AHCY: variants seen among roughly 807,000 people sequenced by gnomAD.
AHCY encodes the protein S-adenosyl-L-homocysteine hydrolase.
In AHCY, 24 loss-of-function variants were observed where a neutral mutation model predicts 45.4. The observed-to-expected ratio is 0.53, with a 90% confidence interval of 0.38 to 0.74. The LOEUF is 0.74. Among genes scored for constraint, AHCY ranks in the 30% least tolerant of loss-of-function variants. AHCY has a pLI of 0.00. For synonymous variants in AHCY, 245 were observed against 235.1 expected, an observed-to-expected ratio of 1.04 and a Z score of -0.39; for missense variants, 449 against 594.1, an observed-to-expected ratio of 0.76 and a Z score of 2.54.
intron 1 of AHCY, among the ~76,000 whole-genome samples, chr20:34,296,196 A>T (rs1484925253): frequency 6.6e-6 from 1 of 152,082 alleles, no homozygotes; most frequent in Non-Finnish European, 1.5e-5. Context: ...AACTGAGAGG[A>T]AAAAATGGTG....
chr20:34,234,405 T>G, the AHCY span, among the ~76,000 whole-genome samples: 1 of 152,242 alleles, frequency 6.6e-6, no homozygotes, highest in Non-Finnish European at 1.5e-5. Flanking sequence ...TGACCCTTAA[T>G]GCAGTAGGTC....
In AHCY at chr20:34,285,128, G is replaced by C. The variant is rs577135787; in HGVS notation, c.1167+312C>G. 2.7e-3 allele frequency among the ~76,000 whole-genome samples: 413 copies of C among 152,302 alleles called. 2 individuals are homozygous for C. Among genetic ancestry groups the C allele is most frequent in the Non-Finnish European group, 3.7e-3 (255 of 68,024 alleles). On this transcript the variant is annotated intron_variant, in intron 9 of 9. Transcript: ENST00000217426. ...AGATGAGAAAATGAAGACAGAGAAA[G>C]AATTTGCCTGGATTACACAGCCTGT...
At chr20:34,305,658 A>G (rs1354554992), upstream of AHCY, among the ~76,000 whole-genome samples, 5 of 152,216 alleles carry the variant, frequency 3.3e-5, no homozygotes, top group Admixed American at 2.0e-4. Context: ...TGTGAAAATT[A>G]CCAGCACAGC....
intron 9 of AHCY, among the ~76,000 whole-genome samples, chr20:34,284,801 C>A (rs1201351887): frequency 6.6e-6 from 1 of 152,112 alleles, no homozygotes; most frequent in Admixed American, 6.5e-5. Flanking sequence ...CTAGCCTGGG[C>A]AACAGAGTGA....
chr20:34,235,211 G>A, the AHCY span, among the ~76,000 whole-genome samples: 1 of 152,238 alleles, frequency 6.6e-6, no homozygotes, highest in Non-Finnish European at 1.5e-5. Flanking sequence ...AGAGGCCGAG[G>A]TGGGCAGATC....
At chr20:34,268,932 G>A in the AHCY span, 2 of 1,550,572 alleles carry the variant, frequency 1.3e-6, no homozygotes, top group African/African-American at 1.4e-5. Context: ...CCCAGGCAGA[G>A]GTGAGGACCG....
intron 3 of AHCY, chr20:34,293,384 A>T (rs536297814): frequency 6.3e-6 from 1 of 158,378 alleles, no homozygotes; most frequent in South Asian, 1.8e-4. Context: ...TGGAGCAGAC[A>T]ATAGTCTTAA....
chr20:34,291,008 G>T, intron 5 of AHCY, 70 bp from the exon 6 acceptor site: 1 of 1,515,842 alleles, frequency 6.6e-7, no homozygotes, highest in South Asian at 1.2e-5. Context: ...CTTGGCCTCA[G>T]AGTATTCTGA....
At chr20:34,296,511 C>G (rs2122790361) in intron 1 of AHCY, among the ~76,000 whole-genome samples, 1 of 152,328 alleles carries the variant, frequency 6.6e-6, no homozygotes, top group South Asian at 2.1e-4. Context: ...CAGGTGCTAT[C>G]TGCCACCTAA....
chr20:34,238,069 G>T, the AHCY span, among the ~76,000 whole-genome samples: 1 of 152,114 alleles, frequency 6.6e-6, no homozygotes, highest in Non-Finnish European at 1.5e-5. Flanking sequence ...CTGCTTCCAA[G>T]ATTTTATCTT....
chr20:34,271,564 CCTT>C, the AHCY span, among the ~76,000 whole-genome samples: 1 of 123,344 alleles, frequency 8.1e-6, no homozygotes, highest in African/African-American at 2.6e-5. Context: ...GTTGAACAAG[CCTT>C]TTTTTTTTTT....
chr20:34,285,762 C>T (rs2122732032), intron 8 of AHCY, 128 bp from the exon 9 acceptor site: 2 of 956,972 alleles, frequency 2.1e-6, no homozygotes, highest in Admixed American at 2.0e-5. Flanking sequence ...AAACAACCTC[C>T]AGCACATGGC....
At chr20:34,235,998 A>AGCGGGAG in the AHCY span, among the ~76,000 whole-genome samples, 9 of 107,696 alleles carry the variant, frequency 8.4e-5, no homozygotes, top group African/African-American at 6.4e-4. Context: ...GAAGGAAGGA[A>AGCGGGAG]GGAGAAAGAG....
intron 3 of AHCY, chr20:34,293,400 G>C (rs2036466848): frequency 6.3e-6 from 1 of 158,606 alleles, no homozygotes; most frequent in Non-Finnish European, 1.4e-5. Context: ...CTTAAGAATT[G>C]CAGTGAGCCA....
rs777571288 is a variant in AHCY at position 34,291,480 on chromosome 20, T to C, written c.497A>G (p.Lys166Arg). 2.5e-6 allele frequency: 4 copies of C among 1,614,180 alleles called. No individual in the cohort carries two copies. Among genetic ancestry groups the C allele is most frequent in the South Asian group, 1.1e-5 (1 of 91,084 alleles). ...ETTTGVHNLYKMMANGILKVP... is the reference protein window; with the variant it reads ...ETTTGVHNLYRMMANGILKVP... ...CTTGAGGATCCCATTGGCCATCATC[T>C]TGTAGAGGTTGTGGACCCCAGTCGT... The change falls in exon 5 of 10, where the codon AAG becomes AGG. Residue 166 changes from lysine (K) to arginine (R), a missense_variant. Lys to Arg is a conservative substitution (Grantham distance 26). Coordinates refer to ENST00000217426, the MANE Select transcript of AHCY (RefSeq NM_000687.4).
At chr20:34,294,181 T>C (rs762586095) in intron 2 of AHCY, 25 bp from the exon 3 acceptor site, 1 of 1,608,310 alleles carries the variant, frequency 6.2e-7, no homozygotes, top group South Asian at 1.1e-5. Flanking sequence ...AAAACAAGGC[T>C]GTTGGTCACT....
the AHCY span, among the ~76,000 whole-genome samples, chr20:34,257,890 C>A: frequency 6.6e-6 from 1 of 152,122 alleles, no homozygotes; most frequent in Non-Finnish European, 1.5e-5. Context: ...ACACCTGTAA[C>A]CCCAGCACTT....
chr20:34,257,089 T>G, the AHCY span, among the ~76,000 whole-genome samples: 1 of 151,658 alleles, frequency 6.6e-6, no homozygotes, highest in South Asian at 2.1e-4. Flanking sequence ...TTTTGTTTTT[T>G]GTTTTTTGTT....
At chr20:34,262,840 A>G in the AHCY span, 8 of 1,614,030 alleles carry the variant, frequency 5.0e-6, no homozygotes, top group South Asian at 7.7e-5. Flanking sequence ...AGCGCTGAAC[A>G]AGAAATCCAA....
Sources: gnomAD v4.1 joint callset for allele counts (sites outside exome capture counted in the v4.1 genomes callset) on GRCh38, gnomAD v4.1.1 for gene constraint, MANE v1.5 for transcripts, NCBI Gene and HGNC (gene_info 2026-07-23, HGNC 2026-07-21) for gene names.